Variants in PDE1C observed in about 807,000 individuals in gnomAD.
PDE1C encodes the protein dual specificity calcium/calmodulin-dependent 3',5'-cyclic nucleotide phosphodiesterase 1C.
A neutral mutation model predicts 93.1 loss-of-function variants in PDE1C; 62 were observed. The observed-to-expected ratio is 0.67, with a 90% CI of 0.54 to 0.82. The LOEUF is 0.82. Among genes scored for constraint, PDE1C ranks in the 40% least tolerant of loss-of-function variants. PDE1C has a pLI of 0.00. For synonymous variants in PDE1C, 325 were observed against 310.1 expected, an observed-to-expected ratio of 1.05 and a Z score of -0.50; for missense variants, 742 against 884.6, an observed-to-expected ratio of 0.84 and a Z score of 2.04.
intron 3 of PDE1C, among the ~76,000 whole-genome samples, chr7:32,114,535 T>A (rs544995040): frequency 2.6e-5 from 4 of 152,112 alleles, no homozygotes; most frequent in Non-Finnish European, 4.4e-5. Context: ...ACCTAGGCAA[T>A]ACCATTCAGG....
At chr7:32,212,318 C>T (rs1477951296) in intron 1 of PDE1C, among the ~76,000 whole-genome samples, 1 of 152,188 alleles carries the variant, frequency 6.6e-6, no homozygotes, top group Non-Finnish European at 1.5e-5. Flanking sequence ...GCCCACCACC[C>T]TATCCAAGGA....
intron 9 of PDE1C, among the ~76,000 whole-genome samples, chr7:31,840,693 T>G (rs2128774271): frequency 6.6e-6 from 1 of 152,234 alleles, no homozygotes; most frequent in African/African-American, 2.4e-5. Flanking sequence ...AAATATTTTC[T>G]TTTCCCCATT....
At chr7:32,229,018 T>A (rs2128860597) in intron 1 of PDE1C, among the ~76,000 whole-genome samples, 1 of 152,300 alleles carries the variant, frequency 6.6e-6, no homozygotes. Flanking sequence ...GCTGACAGGA[T>A]GTGCTTCCCA....
At chr7:31,753,591 C>A (rs762440381) in intron 17 of PDE1C, 38 bp from the exon 18 acceptor site, 1 of 1,587,720 alleles carries the variant, frequency 6.3e-7, no homozygotes, top group East Asian at 2.3e-5. Context: ...AACGGTTAGC[C>A]TCACCCACGA....
In PDE1C at chr7:32,374,741, G is replaced by T. The variant is rs142318082; in HGVS notation, c.310+53081C>A. ...AGCCACTAAGACTTTGGGGTGCTTT[G>T]CTATGCAGCAATAGTCCAGAACAGA... On this transcript the variant is annotated intron_variant, in intron 1 of 1. Transcript: ENST00000672256. Among the ~76,000 whole-genome samples the T allele has an allele frequency of 5.9e-5, 9 of 152,348 alleles. No homozygotes were observed. In the East Asian group the frequency reaches 1.7e-3, roughly 29 times the overall value.
At chr7:32,011,165 G>T (rs1017433037) in intron 2 of PDE1C, among the ~76,000 whole-genome samples, 1 of 151,698 alleles carries the variant, frequency 6.6e-6, no homozygotes, top group African/African-American at 2.4e-5. Flanking sequence ...AATATACAAA[G>T]ACTTAAAATT....
intron 2 of PDE1C, among the ~76,000 whole-genome samples, chr7:31,952,745 G>A (rs1221473636): frequency 6.6e-6 from 1 of 152,114 alleles, no homozygotes; most frequent in Non-Finnish European, 1.5e-5. Context: ...AAATAGAAAT[G>A]AGATGCCGCA....
At chr7:32,309,833 T>G (rs1348251556) in intron 1 of PDE1C, among the ~76,000 whole-genome samples, 1 of 152,052 alleles carries the variant, frequency 6.6e-6, no homozygotes, top group Non-Finnish European at 1.5e-5. Flanking sequence ...AGGAAGAAAC[T>G]GGATCAACTA....
At chr7:32,118,178 G>C (rs746492358) in intron 3 of PDE1C, among the ~76,000 whole-genome samples, 46 of 152,270 alleles carry the variant, frequency 3.0e-4, no homozygotes, top group Admixed American at 1.3e-3. Context: ...CAGTCAGTGG[G>C]GAAGGATCCT....
At chr7:32,053,086 T>A (rs1016206180) in intron 1 of PDE1C, among the ~76,000 whole-genome samples, 5 of 152,328 alleles carry the variant, frequency 3.3e-5, no homozygotes, top group African/African-American at 1.2e-4. Context: ...AGGCTTGGCC[T>A]TTGAAGCAAA....
intron 2 of PDE1C, among the ~76,000 whole-genome samples, chr7:31,938,419 G>A (rs186015567): frequency 5.4e-5 from 8 of 148,938 alleles, no homozygotes; most frequent in East Asian, 3.9e-4. Flanking sequence ...CAGATAAGCT[G>A]GAAGGGGTGG....
At chr7:31,774,875 T>C (rs1341432654) in intron 17 of PDE1C, among the ~76,000 whole-genome samples, 1 of 152,214 alleles carries the variant, frequency 6.6e-6, no homozygotes, top group Non-Finnish European at 1.5e-5. Context: ...ACATTTTTCC[T>C]TCTTATGTTT....
At chr7:32,387,324 C>A (rs1461595892) in intron 1 of PDE1C, among the ~76,000 whole-genome samples, 1 of 151,878 alleles carries the variant, frequency 6.6e-6, no homozygotes, top group African/African-American at 2.4e-5. Context: ...TTTCCCCACC[C>A]TTCCCGCCTT....
At chr7:32,322,528 C>T (rs1397585801) in intron 1 of PDE1C, among the ~76,000 whole-genome samples, 1 of 152,178 alleles carries the variant, frequency 6.6e-6, no homozygotes, top group Admixed American at 6.5e-5. Context: ...CACTTGAGCC[C>T]AGGAGTTCAA....
intron 1 of PDE1C, among the ~76,000 whole-genome samples, chr7:32,345,046 A>G (rs924601768): frequency 1.3e-5 from 2 of 152,166 alleles, no homozygotes; most frequent in Non-Finnish European, 2.9e-5. Flanking sequence ...GAATAACTAA[A>G]GGCCCTAGCA....
intron 3 of PDE1C, among the ~76,000 whole-genome samples, chr7:32,086,698 C>A (rs1299239256): frequency 6.6e-6 from 1 of 152,162 alleles, no homozygotes; most frequent in East Asian, 1.9e-4. Flanking sequence ...AGAAATAACA[C>A]CGCATATCTA....
chr7:31,667,838 GA>G, the PDE1C span, among the ~76,000 whole-genome samples: 9 of 150,582 alleles, frequency 6.0e-5, no homozygotes, highest in South Asian at 8.4e-4. Flanking sequence ...ATGAATCTGG[GA>G]AAAAAAAATT....
At chr7:31,713,445 C>T in the PDE1C span, among the ~76,000 whole-genome samples, 82 of 152,310 alleles carry the variant, frequency 5.4e-4, no homozygotes, top group African/African-American at 1.7e-3. Context: ...AGTCTGGCGT[C>T]GAGTGTCTGC....
intron 6 of PDE1C, among the ~76,000 whole-genome samples, chr7:31,866,384 G>A (rs1795298675): frequency 6.6e-6 from 1 of 152,128 alleles, no homozygotes; most frequent in Non-Finnish European, 1.5e-5. Flanking sequence ...ATGAACCTGG[G>A]CTCCTTGGGT....
Sources: gnomAD v4.1 joint callset for allele counts (sites outside exome capture counted in the v4.1 genomes callset) on GRCh38, gnomAD v4.1.1 for gene constraint, MANE v1.5 for transcripts, NCBI Gene and HGNC (gene_info 2026-07-23, HGNC 2026-07-21) for gene names.